DNAH6: variants seen among roughly 807,000 people sequenced by gnomAD.
DNAH6 encodes the protein dynein axonemal heavy chain 6.
In DNAH6, 340 loss-of-function variants were observed where a neutral mutation model predicts 491.4. The observed-to-expected ratio is 0.69, with a 90% CI of 0.63 to 0.76. The LOEUF is 0.76. Ranked by LOEUF, DNAH6 falls within the 30% of genes least tolerant of loss-of-function variation. The pLI, the probability that DNAH6 is intolerant of heterozygous loss-of-function variation, is 0.00. For synonymous variants in DNAH6, 1,603 were observed against 1,686.1 expected (o/e 0.95, Z 1.21); for missense variants, 4,443 against 4,972.2 (o/e 0.89, Z 3.20).
At chr2:84,469,662 T>C in the DNAH6 span, among the ~76,000 whole-genome samples, 2 of 152,148 alleles carry the variant, frequency 1.3e-5, no homozygotes, top group African/African-American at 2.4e-5. The surrounding 1 kb of genome is among the most constrained non-coding windows in gnomAD (Gnocchi z 4.0). Context: ...CGCTTGTCGG[T>C]AACAAAGGGA....
chr2:84,672,582 T>TG, intron 40 of DNAH6, 98 bp downstream of exon 40: 1 of 1,131,892 alleles, frequency 8.8e-7, no homozygotes, highest in Non-Finnish European at 1.2e-6. Flanking sequence ...GTACCACAGA[T>TG]GGGGTGGCTT....
intron 65 of DNAH6, among the ~76,000 whole-genome samples, chr2:84,782,695 G>T (rs11687423): frequency 0.027 from 4,103 of 152,300 alleles, 79 homozygotes; most frequent in South Asian, 0.06. Flanking sequence ...AAATAAGAGA[G>T]GGCCTGCTTC....
chr2:84,777,546 C>A (rs1676258954), intron 64 of DNAH6: 1 of 767,046 alleles, frequency 1.3e-6, no homozygotes, highest in Non-Finnish European at 2.4e-6. Context: ...GCACTCTCAA[C>A]CACCTACTTG....
intron 37 of DNAH6, among the ~76,000 whole-genome samples, chr2:84,666,885 T>G (rs937836780): frequency 6.6e-6 from 1 of 152,166 alleles, no homozygotes; most frequent in Non-Finnish European, 1.5e-5. Context: ...AGCATGATAC[T>G]GGTACCAAAA....
intron 8 of DNAH6, 73 bp from the exon 9 acceptor site, chr2:84,549,816 C>T: frequency 5.7e-6 from 6 of 1,055,788 alleles, no homozygotes; most frequent in East Asian, 4.9e-5. Flanking sequence ...TAAATATTTG[C>T]TTTAGAGACA....
chr2:84,776,294 T>C (rs558377057), intron 64 of DNAH6, among the ~76,000 whole-genome samples: 1 of 152,188 alleles, frequency 6.6e-6, no homozygotes, highest in Non-Finnish European at 1.5e-5. Flanking sequence ...TGTGCAGCAT[T>C]GGCAGTGGTG....
chr2:84,661,624 C>T (rs2104606043), intron 37 of DNAH6, among the ~76,000 whole-genome samples: 1 of 152,202 alleles, frequency 6.6e-6, no homozygotes, highest in Non-Finnish European at 1.5e-5. Flanking sequence ...AATTACAAAA[C>T]ATTGTTGAGA....
At chr2:84,750,030 A>T (rs1673314391) in intron 63 of DNAH6, among the ~76,000 whole-genome samples, 1 of 152,186 alleles carries the variant, frequency 6.6e-6, no homozygotes, top group South Asian at 2.1e-4. Context: ...TATTAAATAT[A>T]CACAATAACA....
chr2:84,679,012 C>G (rs1462448848), intron 41 of DNAH6, among the ~76,000 whole-genome samples: 3 of 152,088 alleles, frequency 2.0e-5, no homozygotes, highest in African/African-American at 7.2e-5. Flanking sequence ...AATTCATCAC[C>G]CGTCTGTCCT....
intron 31 of DNAH6, among the ~76,000 whole-genome samples, chr2:84,640,129 G>C (rs1035469416): frequency 1.3e-5 from 2 of 152,122 alleles, no homozygotes; most frequent in African/African-American, 4.8e-5. Context: ...CAACTTTCAC[G>C]ATGGGAACAT....
chr2:84,575,965 A>G (rs1164838019), intron 12 of DNAH6, among the ~76,000 whole-genome samples: 1 of 152,232 alleles, frequency 6.6e-6, no homozygotes, highest in Non-Finnish European at 1.5e-5. Flanking sequence ...GCCATAGCCA[A>G]GTCATATGAC....
rs191098739 is a variant in DNAH6 at position 84,777,295 on chromosome 2, A to T, written c.10704-4198A>T. The T allele has an allele frequency of 1.1e-5, 3 of 270,048 alleles. No individual in the cohort carries two copies. In the East Asian group the frequency reaches 2.7e-4, roughly 24 times the overall value. The allele number at this position is 270,048 out of a possible 1,614,324, so 16.7% of individuals were successfully genotyped here. ...AGGTTTTTTGGATTCCCCAAAGTGTAAATGCACTCTTCTTCAAACAGATCT... is the reference window on the plus strand; with the variant it reads ...AGGTTTTTTGGATTCCCCAAAGTGTTAATGCACTCTTCTTCAAACAGATCT... On this transcript the variant is annotated intron_variant, in intron 64 of 76. Transcript: ENST00000389394.
At position 84,697,555 on chromosome 2, in the gene DNAH6, A is replaced by G. The variant is rs1695508281; in HGVS notation, c.7525-20A>G. 2 of 1,535,388 alleles carry G rather than the reference A, an allele frequency of 1.3e-6. No individual in the cohort carries two copies. Among genetic ancestry groups the G allele is most frequent in the African/African-American group, 2.8e-5 (2 of 72,298 alleles). ...GAAAATGATTGAGCAAGTTGTAATG[A>G]TCACTGCTTTCTTCTACAGATTGTA... On this transcript the variant is annotated intron_variant, in intron 46 of 76. Transcript: ENST00000389394.
At chr2:84,611,934 T>A in intron 22 of DNAH6, 80 bp downstream of exon 22, 1 of 1,230,656 alleles carries the variant, frequency 8.1e-7, no homozygotes, top group Non-Finnish European at 1.1e-6. Context: ...CTAAAATGTT[T>A]CTCTGGGAAT....
chr2:84,630,520 TCA>T (rs1491381805), intron 29 of DNAH6, among the ~76,000 whole-genome samples: 1 of 151,632 alleles, frequency 6.6e-6, no homozygotes, highest in Middle Eastern at 3.4e-3. Flanking sequence ...AAATATGGAA[TCA>T]GGGGAATTCT....
At chr2:84,553,393 C>A (rs1329508499) in intron 10 of DNAH6, among the ~76,000 whole-genome samples, 2 of 136,830 alleles carry the variant, frequency 1.5e-5, no homozygotes, top group Non-Finnish European at 3.1e-5. Context: ...TTCTTTCTTT[C>A]TTTCTTTCTT....
chr2:84,554,765 G>A (rs955051638), intron 10 of DNAH6, among the ~76,000 whole-genome samples: 1 of 152,218 alleles, frequency 6.6e-6, no homozygotes, highest in Non-Finnish European at 1.5e-5. Context: ...GAGGCACTGG[G>A]CTCTCATGTC....
intron 17 of DNAH6, 40 bp from the exon 18 acceptor site, chr2:84,595,606 T>C (rs1023882960): frequency 6.7e-7 from 1 of 1,490,344 alleles, no homozygotes; most frequent in Non-Finnish European, 8.9e-7. Flanking sequence ...TTTTACTTTA[T>C]GTTTTAACTT....
intron 13 of DNAH6, among the ~76,000 whole-genome samples, chr2:84,578,631 C>A (rs937176948): frequency 6.6e-6 from 1 of 152,148 alleles, no homozygotes; most frequent in African/African-American, 2.4e-5. Flanking sequence ...TGGAGAGAGA[C>A]AGAGAAAGCC....
Sources: gnomAD v4.1 joint callset for allele counts (sites outside exome capture counted in the v4.1 genomes callset) on GRCh38, gnomAD v4.1.1 for gene constraint, Gnocchi (gnomAD v3.1) non-coding constraint, MANE v1.5 for transcripts, NCBI Gene and HGNC (gene_info 2026-07-23, HGNC 2026-07-21) for gene names.